The following ADRA1D variants were observed in gnomAD, a reference collection of about 807,000 sequenced individuals.
ADRA1D encodes adrenoceptor alpha 1D.
ADRA1D carries 22 observed loss-of-function variants against 18.6 expected under a neutral mutation model. That is an observed-to-expected ratio of 1.19 (90% CI 0.85 to 1.69). The LOEUF is 1.69. Among genes scored for constraint, ADRA1D ranks in the 40% most tolerant of loss-of-function variants. ADRA1D has a pLI of 0.00. For synonymous variants in ADRA1D, 376 were observed against 388.2 expected, an observed-to-expected ratio of 0.97 and a Z score of 0.37; for missense variants, 840 against 840.7, an observed-to-expected ratio of 1.00 and a Z score of 0.01.
Position 4,221,463 on chromosome 20 carries a change from G to C in ADRA1D, c.*60C>G. 6.6e-7 allele frequency: 1 copy of C among 1,519,614 alleles called. No individual in the cohort carries two copies. The highest frequency in any genetic ancestry group is 8.9e-7 in the Non-Finnish European group (1 of 1,126,484). The allele number at this position is 1,519,614 out of a possible 1,614,324, so 94.1% of individuals were successfully genotyped here. A position where few individuals can be genotyped will look rare whatever the true frequency, so the allele number is the denominator to read the frequency against. ...ACGGGGGCTCTTAGAACACCAGCCC[G>C]CCTCTCTGGTCCCCCTTACCCCCAA... On this transcript the variant is annotated 3_prime_UTR_variant, in exon 2 of 2. Transcript: ENST00000379453.
chr20:4,238,266 CAAAT>C, intron 1 of ADRA1D, among the ~76,000 whole-genome samples: 1 of 151,448 alleles, frequency 6.6e-6, no homozygotes, highest in South Asian at 2.1e-4. Context: ...AAATAAAAAA[CAAAT>C]AAAATAAAAT....
At chr20:4,242,167 T>C (rs189151088) in intron 1 of ADRA1D, among the ~76,000 whole-genome samples, 172 of 152,376 alleles carry the variant, frequency 1.1e-3, no homozygotes, top group Non-Finnish European at 1.9e-3. Context: ...TCAAAAGGTG[T>C]GTACACCTTG....
At chr20:4,235,984 A>C (rs1463180918) in intron 1 of ADRA1D, among the ~76,000 whole-genome samples, 1 of 152,186 alleles carries the variant, frequency 6.6e-6, no homozygotes, top group African/African-American at 2.4e-5. Context: ...GGCAGTCCTC[A>C]AGATCCCCTC....
In ADRA1D at chr20:4,222,026, T is replaced by G. The variant is rs770847822; in HGVS notation, c.1216A>C (p.Ser406Arg). The G allele has an allele frequency of 6.2e-7, 1 of 1,607,988 alleles. No individual in the cohort carries two copies. Among genetic ancestry groups the G allele is most frequent in the South Asian group, 1.1e-5 (1 of 90,578 alleles). Residue 406 changes from serine to arginine, a missense_variant, in exon 2 of 2, where the codon AGC becomes CGC. Physicochemically the swap from Ser to Arg is moderately radical, Grantham distance 110. Transcript: ENST00000379453. This position sits in a 1 kb window ranked among gnomAD's most constrained non-coding sequence, Gnocchi z 4.3. ...AGGAAGGCGCGCTTGAACTCGCGGC[T>G]GGAACAGGGGTAGATGAGCGGGTTC... ...CVNPLIYPCS[S>R]REFKRAFLRL...
At position 4,221,578 on chromosome 20, in the gene ADRA1D, G is replaced by A; in HGVS notation, c.1664C>T (p.Thr555Ile). ...GTCGGCCAATTCGTAGGCCTGGCAGGTGGCGCCCTCGGCCACCTCGTGTGG... is the reference window on the plus strand; with the variant it reads ...GTCGGCCAATTCGTAGGCCTGGCAGATGGCGCCCTCGGCCACCTCGTGTGG... ...GVPHEVAEGA[T>I]CQAYELADYS... is the part of the protein sequence containing the mutation. The change falls in exon 2 of 2, where the codon ACC (threonine) becomes ATC (isoleucine). Residue 555 changes from threonine (T) to isoleucine (I), a missense_variant. Physicochemically the swap from Thr to Ile is moderately conservative, Grantham distance 89 (BLOSUM62 -1). Transcript: ENST00000379453. The A allele has an allele frequency of 6.2e-7, 1 of 1,612,918 alleles. No individual in the cohort carries two copies. The highest frequency in any genetic ancestry group is 8.5e-7 in the Non-Finnish European group (1 of 1,179,212).
chr20:4,222,488 C>T lies in ADRA1D; in HGVS notation c.1112-358G>A, dbSNP rs1980696605. On this transcript the variant is annotated intron_variant, in intron 1 of 1. Transcript: ENST00000379453. This position sits in a 1 kb window ranked among gnomAD's most constrained non-coding sequence, Gnocchi z 4.3. ...ACATAGCCATGTTTGCTCATTTCTG[C>T]GTGCCAGCATAATTTCACAAAGTCC... The T allele has an allele frequency of 5.9e-6, 1 of 168,746 alleles. No individual in the cohort carries two copies. Among genetic ancestry groups the T allele is most frequent in the South Asian group, 1.8e-4 (1 of 5,598 alleles). 10.5% of individuals were successfully genotyped at this position (168,746 alleles called of 1,614,324 possible). A position where few individuals can be genotyped will look rare whatever the true frequency, so the allele number is the denominator to read the frequency against.
At position 4,225,990 on chromosome 20, in the gene ADRA1D, C is replaced by T. The variant is rs118187301; in HGVS notation, c.1112-3860G>A. 7.9e-5 allele frequency among the ~76,000 whole-genome samples: 12 copies of T among 152,308 alleles called. No individual in the cohort carries two copies. In the East Asian group the frequency reaches 2.1e-3, roughly 27 times the overall value. ...CAAGAACAGCATCGCTCAATGGCCGCGAACTAAGACAGAGTGCTGAAAATA... is the reference window on the plus strand; with the variant it reads ...CAAGAACAGCATCGCTCAATGGCCGTGAACTAAGACAGAGTGCTGAAAATA... On this transcript the variant is annotated intron_variant, in intron 1 of 1. Transcript: ENST00000379453.
intron 1 of ADRA1D, among the ~76,000 whole-genome samples, chr20:4,241,382 T>C (rs973152524): frequency 5.9e-5 from 9 of 152,204 alleles, no homozygotes; most frequent in Non-Finnish European, 1.0e-4. Context: ...GTTAATGATA[T>C]GATATTTACA....
intron 1 of ADRA1D, among the ~76,000 whole-genome samples, chr20:4,228,808 G>A (rs1342825058): frequency 6.6e-6 from 1 of 152,144 alleles, no homozygotes; most frequent in African/African-American, 2.4e-5. Flanking sequence ...TGGAGCCCTC[G>A]ATCCTTAAGC....
chr20:4,237,865 A>G (rs1448617050), intron 1 of ADRA1D, among the ~76,000 whole-genome samples: 2 of 83,776 alleles, frequency 2.4e-5, no homozygotes, highest in African/African-American at 4.2e-5. Context: ...TTTATTTAGT[A>G]GAGACGGGGT....
intron 1 of ADRA1D, among the ~76,000 whole-genome samples, chr20:4,236,955 G>A (rs1981106545): frequency 6.6e-6 from 1 of 152,196 alleles, no homozygotes; most frequent in Non-Finnish European, 1.5e-5. Context: ...TCAGAACTGG[G>A]AGGTAATATA....
intron 1 of ADRA1D, among the ~76,000 whole-genome samples, chr20:4,232,241 G>A (rs1044684514): frequency 3.9e-5 from 6 of 152,200 alleles, no homozygotes; most frequent in Admixed American, 1.3e-4. Flanking sequence ...AGGCTGGTCT[G>A]GCGAGGAGGC....
intron 1 of ADRA1D, among the ~76,000 whole-genome samples, chr20:4,246,849 A>C (rs932628588): frequency 2.6e-5 from 4 of 152,166 alleles, no homozygotes; most frequent in Non-Finnish European, 4.4e-5. Flanking sequence ...TGCAGTGTGG[A>C]AAGGGCTTCC....
Position 4,222,288 on chromosome 20 carries a change from G to C in ADRA1D, c.1112-158C>G. 1 of 1,001,212 alleles carries C rather than the reference G, an allele frequency of 1.0e-6. No individual in the cohort carries two copies. The highest frequency in any genetic ancestry group is 2.0e-5 in the South Asian group (1 of 49,798). 62.0% of individuals were successfully genotyped at this position (1,001,212 alleles called of 1,614,324 possible). A position where few individuals can be genotyped will look rare whatever the true frequency, so the allele number is the denominator to read the frequency against. ...GTAAATCAGGAGGTCCATGAACTTG[G>C]ATAGAGAAAAATAATAATTGTTTTC... is the stretch of plus-strand genomic sequence containing the variant. On this transcript the variant is annotated intron_variant, in intron 1 of 1. Transcript: ENST00000379453. This position sits in a 1 kb window ranked among gnomAD's most constrained non-coding sequence, Gnocchi z 4.3.
rs911128020 is a variant in ADRA1D, at chr20:4,232,166, G to A, written c.1112-10036C>T. 5.3e-5 allele frequency among the ~76,000 whole-genome samples: 8 copies of A among 152,146 alleles called. No individual in the cohort carries two copies. In the South Asian group the frequency reaches 6.2e-4, roughly 12 times the overall value. Reference sequence around the variant, plus strand: ...TGACCTCAGGTGATCCACCCGCCTCGGCTTCCTAAAATGCTGGGATTACAG... The same window carrying A: ...TGACCTCAGGTGATCCACCCGCCTCAGCTTCCTAAAATGCTGGGATTACAG... On this transcript the variant is annotated intron_variant, in intron 1 of 1. Transcript: ENST00000379453.
Position 4,222,716 on chromosome 20 carries a change from CTCT to C in ADRA1D, c.1112-589_1112-587del, listed in dbSNP as rs1980702630. The stretch of plus-strand genomic sequence containing the variant: ...AATTATGCTGCTATGAACAGATATA[CTCT>C]TACACCCAAAACTCAATATAATTCT... On this transcript the variant is annotated intron_variant, in intron 1 of 1. Coordinates refer to ENST00000379453, the MANE Select transcript of ADRA1D (RefSeq NM_000678.4). The surrounding 1 kb of genome is among the most constrained non-coding windows in gnomAD (Gnocchi z 4.3). 6.6e-6 allele frequency among the ~76,000 whole-genome samples: 1 copy of C among 152,184 alleles called. No individual in the cohort carries two copies. Among genetic ancestry groups the C allele is most frequent in the South Asian group, 2.1e-4 (1 of 4,826 alleles).
intron 1 of ADRA1D, among the ~76,000 whole-genome samples, chr20:4,231,627 C>T (rs1407088409): frequency 2.0e-5 from 3 of 152,270 alleles, no homozygotes; most frequent in South Asian, 2.1e-4. Flanking sequence ...ACCTTCTAGG[C>T]ACCATGCTGG....
At chr20:4,229,037 C>T (rs1251068812) in intron 1 of ADRA1D, among the ~76,000 whole-genome samples, 4 of 152,202 alleles carry the variant, frequency 2.6e-5, no homozygotes, top group Admixed American at 2.6e-4. Context: ...TCATCTGTGG[C>T]TTCCCGGATG....
At chr20:4,240,660 G>T (rs1981191091) in intron 1 of ADRA1D, among the ~76,000 whole-genome samples, 1 of 152,124 alleles carries the variant, frequency 6.6e-6, no homozygotes, top group African/African-American at 2.4e-5. Context: ...TGGGCATGGT[G>T]GTGCACACCT....
Sources: allele counts gnomAD v4.1 joint callset (sites outside exome capture counted in the v4.1 genomes callset), GRCh38; gene constraint gnomAD v4.1.1; non-coding constraint Gnocchi (gnomAD v3.1); transcripts MANE v1.5; gene names NCBI Gene and HGNC (gene_info 2026-07-23, HGNC 2026-07-21).